Variants in KLF5 observed in about 807,000 individuals in gnomAD.
KLF5 encodes the protein Krueppel-like factor 5.
In KLF5, 9 loss-of-function variants were observed where a neutral mutation model predicts 36.9. That is an observed-to-expected ratio of 0.24 (90% confidence interval 0.15 to 0.43). The LOEUF (loss-of-function observed/expected upper bound fraction) is 0.43. Ranked by LOEUF, KLF5 falls within the 20% of genes least tolerant of loss-of-function variation. The probability of loss-of-function intolerance (pLI) is 1.00; values close to 1 mark genes in which losing one functional copy is unlikely to be tolerated. For missense variants in KLF5, 524 were observed against 599.5 expected (o/e 0.87, Z 1.31); for synonymous variants, 246 against 241.7 (o/e 1.02, Z -0.17).
At chr13:73,072,780 T>G (rs1267894769) in intron 3 of KLF5, among the ~76,000 whole-genome samples, 2 of 152,338 alleles carry the variant, frequency 1.3e-5, no homozygotes, top group Non-Finnish European at 1.5e-5. Context: ...TTAACATTTT[T>G]GTAAAGTATG....
Position 73,062,130 on chromosome 13 carries a change from CCCT to C in KLF5, c.537_539del (p.Pro180del), listed in dbSNP as rs757521241. ...TCAGCCACCAGAGTGAAACGACTGCCCCTCCTCCGGCCCCGACCCAGGCCCTCC... is the reference window on the plus strand; with the variant it reads ...TCAGCCACCAGAGTGAAACGACTGCCCCTCCGGCCCCGACCCAGGCCCTCC... On this transcript the variant is annotated inframe_deletion, in exon 2 of 4. Transcript: ENST00000377687. 2.5e-6 allele frequency: 4 copies of C among 1,614,096 alleles called. No individual in the cohort carries two copies. In the Admixed American group the frequency reaches 5.0e-5, roughly 20 times the overall value.
chr13:73,055,435 A>G (rs2044577594), upstream of KLF5, among the ~76,000 whole-genome samples: 1 of 152,194 alleles, frequency 6.6e-6, no homozygotes, highest in African/African-American at 2.4e-5. Context: ...TTTTTTCATC[A>G]CAAAAGCAAT....
Position 73,062,618 on chromosome 13 carries a change from A to G in KLF5, c.1019A>G (p.Asn340Ser), listed in dbSNP as rs759409820. The G allele has an allele frequency of 2.5e-6, 4 of 1,614,174 alleles. No homozygotes were observed. In the South Asian group the frequency reaches 3.3e-5, roughly 13 times the overall value. Reference protein sequence around the residue: ...ATIASKLAIHNPNLPTTLPVN... With the variant: ...ATIASKLAIHSPNLPTTLPVN... ...ATTGCTTCTAAACTGGCAATTCACA[A>G]TCCAAATTTACCCACCACCCTGCCA... The change falls in exon 2 of 4, where the codon AAT (asparagine) becomes AGT (serine). Residue 340 changes from asparagine to serine, a missense_variant. This residue lies in a region of KLF5 where 454 missense variants were observed against 458.1 expected (regional missense o/e 0.99). Coordinates refer to ENST00000377687, the MANE Select transcript of KLF5 (RefSeq NM_001730.5).
chr13:73,061,999 A>G lies in KLF5; in HGVS notation c.400A>G (p.Ile134Val), dbSNP rs765732925. The change falls in exon 2 of 4, where the codon ATC (isoleucine) becomes GTC (valine). Residue 134 changes from isoleucine (I) to valine (V), a missense_variant. Around this residue, in one of 4 missense-constraint regions of KLF5, gnomAD observed 454 missense variants for 458.1 expected, o/e 0.99. Coordinates refer to ENST00000377687, the MANE Select transcript of KLF5 (RefSeq NM_001730.5). ...TGACACTGAAGGGTTACCTTACAGT[A>G]TCAACATGAACGTCTTCCTCCCTGA... ...FTDTEGLPYS[I>V]NMNVFLPDIT... is the part of the protein sequence containing the mutation. 2.5e-6 allele frequency: 4 copies of G among 1,614,186 alleles called. No individual in the cohort carries two copies. In the Admixed American group the frequency reaches 5.0e-5, roughly 20 times the overall value.
At chr13:73,068,993 G>T (rs2044703044) in intron 3 of KLF5, among the ~76,000 whole-genome samples, 1 of 152,124 alleles carries the variant, frequency 6.6e-6, no homozygotes, top group Admixed American at 6.5e-5. Flanking sequence ...CTACTTGGGA[G>T]CCTGATGCAG....
At chr13:73,069,342 G>C (rs1294985844) in intron 3 of KLF5, among the ~76,000 whole-genome samples, 2 of 152,184 alleles carry the variant, frequency 1.3e-5, no homozygotes, top group Admixed American at 1.3e-4. Context: ...TGTGTAACCT[G>C]TTTTATTGGT....
intron 1 of KLF5, chr13:73,059,876 AGTT>A: frequency 4.3e-6 from 4 of 921,022 alleles, no homozygotes; most frequent in Non-Finnish European, 5.2e-6. Context: ...CGCGCACCTT[AGTT>A]GTTTTTCTTA....
chr13:73,071,533 A>T (rs1440266961), intron 3 of KLF5, among the ~76,000 whole-genome samples: 1 of 151,890 alleles, frequency 6.6e-6, no homozygotes, highest in Non-Finnish European at 1.5e-5. Context: ...AGTGAGCTAA[A>T]ATCATCCTCC....
In KLF5 at chr13:73,061,938, A is replaced by G. The variant is rs1160445377; in HGVS notation, c.339A>G (p.Arg113=). ...VPIIPEHKKY[R]RDSASVVDQF... is the part of the protein sequence containing the mutation. ...TAATTCCAGAGCATAAAAAGTATAG[A>G]CGAGACAGTGCCTCAGTCGTAGACC... The change falls in exon 2 of 4, where the codon AGA becomes AGG. Residue 113 remains arginine, a synonymous_variant. Coordinates refer to ENST00000377687, the MANE Select transcript of KLF5 (RefSeq NM_001730.5). 1 of 1,613,988 alleles carries G rather than the reference A, an allele frequency of 6.2e-7. No individual in the cohort carries two copies. The highest frequency in any genetic ancestry group is 8.5e-7 in the Non-Finnish European group (1 of 1,179,980).
chr13:73,069,706 G>A (rs1411696371), intron 3 of KLF5, among the ~76,000 whole-genome samples: 4 of 152,114 alleles, frequency 2.6e-5, no homozygotes, highest in African/African-American at 9.7e-5. Context: ...TTTCTTCTGA[G>A]AAACATTTAC....
At chr13:73,062,785 GTGTGT>G in intron 2 of KLF5, 51 bp downstream of exon 2, 1 of 1,525,542 alleles carries the variant, frequency 6.6e-7, no homozygotes, top group East Asian at 2.3e-5. Flanking sequence ...GTGTGTGTGT[GTGTGT>G]CTGTGTGCGC....
At chr13:73,071,956 A>C (rs1351280223) in intron 3 of KLF5, among the ~76,000 whole-genome samples, 1 of 152,242 alleles carries the variant, frequency 6.6e-6, no homozygotes, top group East Asian at 1.9e-4. Flanking sequence ...TTTAATTCTC[A>C]TGATATTTTA....
In KLF5 at chr13:73,059,246, G is replaced by C. The variant is rs965871377; in HGVS notation, c.-82G>C. ...TCCCCTCCTCCGCCGGCAGCCCCGC[G>C]CTGAGCTCGCCGACCCAAGCCAGCG... On this transcript the variant is annotated 5_prime_UTR_variant, in exon 1 of 4. Coordinates refer to ENST00000377687, the MANE Select transcript of KLF5 (RefSeq NM_001730.5). The C allele has an allele frequency of 6.5e-6, 8 of 1,232,550 alleles. No individual in the cohort carries two copies. The African/African-American group carries it at 1.1e-4, about 17-fold the overall frequency. 76.4% of individuals were successfully genotyped at this position (1,232,550 alleles called of 1,614,324 possible).
At chr13:73,059,816 C>G in intron 1 of KLF5, 1 of 933,360 alleles carries the variant, frequency 1.1e-6, no homozygotes, top group Non-Finnish European at 1.3e-6. Flanking sequence ...GGGGAATCTG[C>G]CCCGGCGGGT....
At chr13:73,059,680 C>A in intron 1 of KLF5, 92 bp downstream of exon 1, 1 of 980,574 alleles carries the variant, frequency 1.0e-6, no homozygotes, top group Non-Finnish European at 1.2e-6. Context: ...CCGCTCCAGG[C>A]TGGGGCGTGC....
rs2044648928 is a variant in KLF5 at position 73,062,798 on chromosome 13, CGCGCGCGTGTGCG to C, written c.1135+65_1135+77del. On this transcript the variant is annotated intron_variant, in intron 2 of 3. Coordinates refer to ENST00000377687, the MANE Select transcript of KLF5 (RefSeq NM_001730.5). Reference sequence around the variant, plus strand: ...GTGTGTGTGTGTGTGTGTCTGTGTGCGCGCGCGTGTGCGTGTGTGCACGCGCGTGCCCTTTTCA... The same window carrying C: ...GTGTGTGTGTGTGTGTGTCTGTGTGCTGTGTGCACGCGCGTGCCCTTTTCA... The C allele has an allele frequency of 1.4e-5, 18 of 1,276,460 alleles. 1 individual carries two copies. The highest frequency in any genetic ancestry group is 3.9e-4 in the Middle Eastern group (2 of 5,128). 79.1% of individuals were successfully genotyped at this position (1,276,460 alleles called of 1,614,324 possible).
Position 73,075,948 on chromosome 13 carries a change from T to G in KLF5, c.*62T>G. The G allele has an allele frequency of 7.5e-7, 1 of 1,334,322 alleles. No homozygotes were observed. The allele number at this position is 1,334,322 out of a possible 1,614,324, so 82.7% of individuals were successfully genotyped here. ...TCCCTCAAATGACAGACCTAACTAT[T>G]CCTGTGTAAAAACAACAAAAACAAA... is the stretch of plus-strand genomic sequence containing the variant. On this transcript the variant is annotated 3_prime_UTR_variant, in exon 4 of 4. Coordinates refer to ENST00000377687, the MANE Select transcript of KLF5 (RefSeq NM_001730.5).
In KLF5 at chr13:73,061,897, C is replaced by T. The variant is rs766841934; in HGVS notation, c.298C>T (p.Leu100Phe). The T allele has an allele frequency of 6.2e-7, 1 of 1,613,730 alleles. No individual in the cohort carries two copies. The highest frequency in any genetic ancestry group is 8.5e-7 in the Non-Finnish European group (1 of 1,179,650). The part of the protein sequence containing the change: ...CEMEKYLTPQ[L>F]PPVPIIPEHK... ...AATGGAGAAGTATCTGACACCTCAG[C>T]TTCCTCCAGTTCCTATAATTCCAGA... The change falls in exon 2 of 4, where the codon CTT becomes TTT. Residue 100 changes from leucine to phenylalanine, a missense_variant. Around this residue, in one of 4 missense-constraint regions of KLF5, gnomAD observed 454 missense variants for 458.1 expected, o/e 0.99. Coordinates refer to ENST00000377687, the MANE Select transcript of KLF5 (RefSeq NM_001730.5).
chr13:73,062,043 T>C lies in KLF5; in HGVS notation c.444T>C (p.Thr148=), dbSNP rs1207483290. 8.1e-6 allele frequency: 13 copies of C among 1,613,978 alleles called. No homozygotes were observed. Among genetic ancestry groups the C allele is most frequent in the Non-Finnish European group, 1.1e-5 (13 of 1,180,014 alleles). Residue 148 remains threonine, a synonymous_variant, in exon 2 of 4, where the codon ACT becomes ACC. Coordinates refer to ENST00000377687, the MANE Select transcript of KLF5 (RefSeq NM_001730.5). ...TCCCTGACATCACTCACCTGAGAAC[T>C]GGCCTCTACAAATCCCAGAGACCGT... ...VFLPDITHLR[T]GLYKSQRPCV...
Sources: allele counts gnomAD v4.1 joint callset (sites outside exome capture counted in the v4.1 genomes callset), GRCh38; gene constraint gnomAD v4.1.1; regional missense constraint gnomAD v4.1.1; transcripts MANE v1.5; gene names NCBI Gene and HGNC (gene_info 2026-07-23, HGNC 2026-07-21).